Variants in SEC63 observed in about 807,000 individuals in gnomAD.
SEC63 encodes SEC63 protein translocation regulator, also known as translocation protein SEC63 homolog.
In SEC63, 56 loss-of-function variants were observed where a neutral mutation model predicts 116.2. That is an observed-to-expected ratio of 0.48 (90% CI 0.39 to 0.60). The LOEUF is 0.60. SEC63 is among the 20% of genes least tolerant of loss of function. SEC63 has a pLI of 0.00. For missense variants in SEC63, 668 were observed against 900.0 expected, an observed-to-expected ratio of 0.74 and a Z score of 3.30; for synonymous variants, 273 against 294.6, an observed-to-expected ratio of 0.93 and a Z score of 0.75.
At chr6:107,901,246 G>T in intron 13 of SEC63, 124 bp downstream of exon 13, 1 of 976,814 alleles carries the variant, frequency 1.0e-6, no homozygotes, top group Non-Finnish European at 1.6e-6. Context: ...GTAAACTACA[G>T]TTCTGCAAAG....
chr6:107,879,958 ACTGT>A (rs1786373322), intron 18 of SEC63, among the ~76,000 whole-genome samples: 1 of 152,106 alleles, frequency 6.6e-6, no homozygotes, highest in South Asian at 2.1e-4. Flanking sequence ...CTAAAATGAA[ACTGT>A]CTGTTACATG....
intron 1 of SEC63, chr6:107,957,673 A>C: frequency 2.7e-6 from 1 of 371,990 alleles, no homozygotes; most frequent in Admixed American, 4.8e-5. Flanking sequence ...GAGCGAGCGA[A>C]ACTCCTGAGG....
rs772065111 is a variant in SEC63, at chr6:107,901,457, G to A, written c.1270C>T (p.Leu424=). Residue 424 remains leucine, a synonymous_variant, in exon 13 of 21, where the codon CTG becomes TTG. Coordinates refer to ENST00000369002, the MANE Select transcript of SEC63 (RefSeq NM_007214.5). ...TATTTTTCATCTTCAAGGAAGTGCA[G>A]TAGAGTGTGACGATCTGATTCTTTT... ...SLKESDRHTL[L]HFLEDEKYEE... The A allele has an allele frequency of 3.7e-6, 6 of 1,610,702 alleles. No homozygotes were observed. In the East Asian group the frequency reaches 1.3e-4, roughly 36 times the overall value.
chr6:107,890,730 T>C (rs2114421745), intron 16 of SEC63, among the ~76,000 whole-genome samples: 1 of 152,322 alleles, frequency 6.6e-6, no homozygotes, highest in East Asian at 1.9e-4. Context: ...CCATGTTTAG[T>C]GCTTCCTTCA....
intron 12 of SEC63, among the ~76,000 whole-genome samples, chr6:107,902,623 C>T (rs1339218701): frequency 6.6e-6 from 1 of 151,638 alleles, no homozygotes; most frequent in Admixed American, 6.6e-5. Context: ...TGCAACAACC[C>T]CCAAAATAAT....
chr6:107,898,972 C>T (rs1299370596), intron 13 of SEC63, among the ~76,000 whole-genome samples: 6 of 152,182 alleles, frequency 3.9e-5, no homozygotes, highest in Non-Finnish European at 8.8e-5. Flanking sequence ...GGTATGGTAT[C>T]CCTTCTTCAC....
intron 16 of SEC63, among the ~76,000 whole-genome samples, chr6:107,891,416 C>T (rs934000916): frequency 6.6e-6 from 1 of 151,996 alleles, no homozygotes; most frequent in African/African-American, 2.4e-5. Flanking sequence ...CCAGCTCCAT[C>T]AGGTCATTTA....
intron 1 of SEC63, among the ~76,000 whole-genome samples, chr6:107,944,430 G>A (rs1278583829): frequency 6.6e-6 from 1 of 152,176 alleles, no homozygotes; most frequent in Non-Finnish European, 1.5e-5. Context: ...AGGTGCAGCG[G>A]CTCATGCCTG....
intron 7 of SEC63, among the ~76,000 whole-genome samples, chr6:107,909,946 A>T (rs499181): frequency 0.87 from 132,561 of 152,228 alleles, 57,893 homozygotes; most frequent in Middle Eastern, 0.92. Flanking sequence ...CAGCTGTTTT[A>T]AAAAATGAGG....
At chr6:107,875,312 C>G (rs1786237225) in intron 19 of SEC63, among the ~76,000 whole-genome samples, 1 of 152,164 alleles carries the variant, frequency 6.6e-6, no homozygotes, top group Non-Finnish European at 1.5e-5. Flanking sequence ...CAAGTAACAG[C>G]TAAATGTAAA....
chr6:107,922,121 T>C (rs900810722), intron 3 of SEC63, among the ~76,000 whole-genome samples: 1 of 152,262 alleles, frequency 6.6e-6, no homozygotes, highest in African/African-American at 2.4e-5. Flanking sequence ...ATATGTATTT[T>C]ATTGAGCACC....
At chr6:107,924,650 C>T (rs776577205) in intron 3 of SEC63, among the ~76,000 whole-genome samples, 168 bp downstream of exon 3, 2 of 107,368 alleles carry the variant, frequency 1.9e-5, no homozygotes, top group East Asian at 5.1e-4. Flanking sequence ...TAACAATCAA[C>T]AGTTATAGCT....
At chr6:107,892,734 G>A (rs539204854) in intron 16 of SEC63, among the ~76,000 whole-genome samples, 1 of 152,270 alleles carries the variant, frequency 6.6e-6, no homozygotes, top group East Asian at 1.9e-4. Context: ...ATATGAAACG[G>A]TGTTCAACAT....
chr6:107,904,711 G>A lies in SEC63; in HGVS notation c.972C>T (p.Phe324=), dbSNP rs1306010879. ...IPETLEEDQQ[F]MLKKCPALLQ... is the part of the protein sequence containing the mutation. ...GTAGGGCAGGACACTTTTTTAGCAT[G>A]AATTGCTGATCTGCAAAACAATAAA... Residue 324 remains phenylalanine, a synonymous_variant, in exon 11 of 21, where the codon TTC becomes TTT. Transcript: ENST00000369002. The A allele has an allele frequency of 6.2e-7, 1 of 1,611,366 alleles. No homozygotes were observed. Among genetic ancestry groups the A allele is most frequent in the East Asian group, 2.2e-5 (1 of 44,850 alleles).
In SEC63 at chr6:107,883,267, C is replaced by G. The variant is rs1786454143; in HGVS notation, c.1675-121G>C. 10 of 1,225,184 alleles carry G rather than the reference C, an allele frequency of 8.2e-6. No individual in the cohort carries two copies. In the Admixed American group the frequency reaches 9.3e-5, roughly 11 times the overall value. The allele number at this position is 1,225,184 out of a possible 1,614,324, so 75.9% of individuals were successfully genotyped here. A position where few individuals can be genotyped will look rare whatever the true frequency, so the allele number is the denominator to read the frequency against. On this transcript the variant is annotated intron_variant, in intron 16 of 20. Coordinates refer to ENST00000369002, the MANE Select transcript of SEC63 (RefSeq NM_007214.5). ...CTGACTCGATGACAATTTCACTATTCATATACAATTTTTTAAAATTATAAA... is the reference window on the plus strand; with the variant it reads ...CTGACTCGATGACAATTTCACTATTGATATACAATTTTTTAAAATTATAAA...
At chr6:107,917,755 C>A (rs764637474) in intron 4 of SEC63, among the ~76,000 whole-genome samples, 1 of 152,164 alleles carries the variant, frequency 6.6e-6, no homozygotes, top group African/African-American at 2.4e-5. Context: ...AAGGCCCTAA[C>A]GAAGGCTGAG....
At chr6:107,933,616 A>C (rs1247553250) in intron 1 of SEC63, among the ~76,000 whole-genome samples, 2 of 152,178 alleles carry the variant, frequency 1.3e-5, no homozygotes, top group African/African-American at 4.8e-5. Context: ...GCAGAGGGAA[A>C]AGTGAATAAC....
At chr6:107,905,711 A>T (rs139354423) in intron 10 of SEC63, among the ~76,000 whole-genome samples, 1 of 152,172 alleles carries the variant, frequency 6.6e-6, no homozygotes, top group Non-Finnish European at 1.5e-5. Context: ...GTTGTTGTGA[A>T]ATCCATTTTG....
At chr6:107,954,178 T>C (rs1407639528) in intron 1 of SEC63, among the ~76,000 whole-genome samples, 3 of 152,102 alleles carry the variant, frequency 2.0e-5, no homozygotes, top group African/African-American at 7.2e-5. Context: ...CCCAACCCTG[T>C]GCTCTCTGAA....
Sources: gnomAD v4.1 joint callset for allele counts (sites outside exome capture counted in the v4.1 genomes callset) on GRCh38, gnomAD v4.1.1 for gene constraint, MANE v1.5 for transcripts, NCBI Gene and HGNC (gene_info 2026-07-23, HGNC 2026-07-21) for gene names.